The following SPOCD1 variants were observed in gnomAD, a reference collection of about 807,000 sequenced individuals.
SPOCD1 encodes SPOC domain-containing protein 1.
SPOCD1 carries 64 observed loss-of-function variants against 92.2 expected under a neutral mutation model. That is an observed-to-expected ratio of 0.69 (90% confidence interval 0.57 to 0.86). SPOCD1 has a LOEUF of 0.86. Among genes scored for constraint, SPOCD1 ranks in the 40% least tolerant of loss-of-function variants. The pLI, the probability that SPOCD1 is intolerant of heterozygous loss-of-function variation, is 0.00. For synonymous variants in SPOCD1, 578 were observed against 619.3 expected, an observed-to-expected ratio of 0.93 and a Z score of 0.99; for missense variants, 1,360 against 1,543.1, an observed-to-expected ratio of 0.88 and a Z score of 1.99.
intron 2 of SPOCD1, among the ~76,000 whole-genome samples, chr1:31,812,271 T>C (rs74480395): frequency 0.01 from 1,560 of 152,266 alleles, 22 homozygotes; most frequent in African/African-American, 0.036. Context: ...AATGTTAGCC[T>C]ATTGGCCTCC....
intron 2 of SPOCD1, among the ~76,000 whole-genome samples, chr1:31,810,574 C>T (rs1649133595): frequency 2.6e-5 from 4 of 152,094 alleles, no homozygotes; most frequent in Admixed American, 2.6e-4. Flanking sequence ...GGCTGGTCTC[C>T]TGAGCTCAAG....
intron 2 of SPOCD1, among the ~76,000 whole-genome samples, chr1:31,808,344 A>G (rs1487692068): frequency 6.6e-6 from 1 of 151,804 alleles, no homozygotes; most frequent in East Asian, 1.9e-4. Flanking sequence ...ATATTTAAAA[A>G]AAAAAACACT....
intron 15 of SPOCD1, 161 bp from the exon 16 acceptor site, chr1:31,791,452 A>C (rs1647588262): frequency 1.9e-6 from 1 of 527,098 alleles, no homozygotes; most frequent in African/African-American, 2.0e-5. Flanking sequence ...ATCAAGGCTT[A>C]TCTGGCTGAG....
intron 2 of SPOCD1, among the ~76,000 whole-genome samples, chr1:31,805,351 G>C (rs1648751971): frequency 6.6e-6 from 1 of 152,070 alleles, no homozygotes; most frequent in Non-Finnish European, 1.5e-5. Context: ...TAAACTACTA[G>C]AGGGATAAAA....
chr1:31,811,338 GC>G (rs1308706565), intron 2 of SPOCD1, among the ~76,000 whole-genome samples: 1 of 151,960 alleles, frequency 6.6e-6, no homozygotes, highest in African/African-American at 2.4e-5. Flanking sequence ...GGGCATGGTG[GC>G]CCACACCTGT....
chr1:31,814,766 G>C lies in SPOCD1; in HGVS notation c.568C>G (p.Pro190Ala). Residue 190 changes from proline to alanine, a missense_variant, in exon 2 of 16, where the codon CCT (proline) becomes GCT (alanine). Pro to Ala is a conservative substitution (Grantham distance 27, BLOSUM62 -1). Coordinates refer to ENST00000360482, the MANE Select transcript of SPOCD1 (RefSeq NM_144569.7). This position sits in a 1 kb window ranked among gnomAD's most constrained non-coding sequence, Gnocchi z 4.2. ...RSPTLSKEEP[P>A]GRPLTSSPDP... ...GGTGAGGATGTCAGGGGCCTTCCAG[G>C]GGGCTCCTCTTTGCTGAGTGTGGGG... is the stretch of plus-strand genomic sequence containing the variant. 6.2e-7 allele frequency: 1 copy of C among 1,613,596 alleles called. No homozygotes were observed. Among genetic ancestry groups the C allele is most frequent in the African/African-American group, 1.3e-5 (1 of 75,000 alleles).
chr1:31,791,813 G>C (rs557842806), intron 15 of SPOCD1, among the ~76,000 whole-genome samples: 31 of 152,334 alleles, frequency 2.0e-4, no homozygotes, highest in Non-Finnish European at 4.0e-4. Context: ...TGGTGGTTAG[G>C]GGCCAGGTTT....
intron 2 of SPOCD1, among the ~76,000 whole-genome samples, chr1:31,806,000 C>CA (rs1229402213): frequency 2.0e-5 from 3 of 151,260 alleles, no homozygotes; most frequent in African/African-American, 7.3e-5. Context: ...GATTTTAAGG[C>CA]AAAAAATCAT....
chr1:31,796,380 C>A (rs1012300753), intron 10 of SPOCD1: 2 of 728,318 alleles, frequency 2.7e-6, no homozygotes, highest in Non-Finnish European at 4.6e-6. Flanking sequence ...GGAGGACCGA[C>A]AGTGACAAGG....
In SPOCD1 at chr1:31,814,798, C is replaced by G; in HGVS notation, c.536G>C (p.Arg179Thr). ...DGGMSSPGCD[R>T]RSPTLSKEEP... Reference sequence around the variant, plus strand: ...CTCTTTGCTGAGTGTGGGGCTTCTTCTGTCACACCCTGGAGAACTCATTCC... The same window carrying G: ...CTCTTTGCTGAGTGTGGGGCTTCTTGTGTCACACCCTGGAGAACTCATTCC... Residue 179 changes from arginine to threonine, a missense_variant, in exon 2 of 16, where the codon AGA becomes ACA. Arg to Thr is a moderately conservative substitution (Grantham distance 71, BLOSUM62 -1). This residue lies in a region of SPOCD1 where 606 missense variants were observed against 601.5 expected (regional missense o/e 1.01). Transcript: ENST00000360482. This position sits in a 1 kb window ranked among gnomAD's most constrained non-coding sequence, Gnocchi z 4.2. 3 of 1,613,110 alleles carry G rather than the reference C, an allele frequency of 1.9e-6. No individual in the cohort carries two copies. The highest frequency in any genetic ancestry group is 2.5e-6 in the Non-Finnish European group (3 of 1,179,592).
At chr1:31,809,615 G>C (rs1649067592) in intron 2 of SPOCD1, among the ~76,000 whole-genome samples, 1 of 152,012 alleles carries the variant, frequency 6.6e-6, no homozygotes, top group African/African-American at 2.4e-5. Context: ...GGGATACTTG[G>C]TGCCAACACT....
intron 10 of SPOCD1, chr1:31,796,290 C>T (rs1648013604): frequency 2.1e-6 from 1 of 468,186 alleles, no homozygotes; most frequent in Non-Finnish European, 4.0e-6. Context: ...GAGATCTGGG[C>T]AGAATGCCAG....
intron 2 of SPOCD1, among the ~76,000 whole-genome samples, chr1:31,803,093 G>C (rs10914480): frequency 0.63 from 95,851 of 151,778 alleles, 30,599 homozygotes; most frequent in South Asian, 0.72. Context: ...CGTCTCAGGG[G>C]TCCTAACGTC....
intron 2 of SPOCD1, among the ~76,000 whole-genome samples, chr1:31,811,467 A>G (rs72664938): frequency 0.11 from 17,073 of 152,006 alleles, 981 homozygotes; most frequent in East Asian, 0.14. Flanking sequence ...TTAAAAAAAA[A>G]GTAAATTAAA....
In SPOCD1 at chr1:31,815,239, G is replaced by A; in HGVS notation, c.95C>T (p.Ala32Val). ...NCELLQNMEG[A>V]SSMPGLSPDG... ...TGGTGACAGGCCTGGCATGGAGCTG[G>A]CTCCTTCCATGTTCTGTAAAAGCTC... is the stretch of plus-strand genomic sequence containing the variant. The change falls in exon 2 of 16, where the codon GCC becomes GTC. Residue 32 changes from alanine (A) to valine (V), a missense_variant. Physicochemically the swap from Ala to Val is moderately conservative, Grantham distance 64 (BLOSUM62 0). This residue lies in a region of SPOCD1 where 140 missense variants were observed against 183.8 expected (regional missense o/e 0.76). Coordinates refer to ENST00000360482, the MANE Select transcript of SPOCD1 (RefSeq NM_144569.7). The A allele has an allele frequency of 3.1e-6, 5 of 1,605,928 alleles. No homozygotes were observed. Among genetic ancestry groups the A allele is most frequent in the Non-Finnish European group, 3.4e-6 (4 of 1,173,840 alleles).
At position 31,804,985 on chromosome 1, in the gene SPOCD1, CT is replaced by C. The variant is rs1207433481; in HGVS notation, c.1384-3281del. Among the ~76,000 whole-genome samples the C allele has an allele frequency of 9.8e-3, 1,039 of 105,888 alleles. 26 individuals are homozygous for C. The highest frequency in any genetic ancestry group is 0.023 in the Middle Eastern group (4 of 176). 69.5% of individuals were successfully genotyped at this position (105,888 alleles called of 152,430 possible). A position where few individuals can be genotyped will look rare whatever the true frequency, so the allele number is the denominator to read the frequency against. On this transcript the variant is annotated intron_variant, in intron 2 of 15. Coordinates refer to ENST00000360482, the MANE Select transcript of SPOCD1 (RefSeq NM_144569.7). ...AAATTTCTTTTTTCTTTCTTTCTTT[CT>C]TTTTTTTTTTTTTGAGATGGAGTCT...
intron 5 of SPOCD1, 47 bp downstream of exon 5, chr1:31,799,969 C>T: frequency 1.2e-6 from 2 of 1,611,446 alleles, no homozygotes; most frequent in South Asian, 2.2e-5. Flanking sequence ...TCCTCCCTGA[C>T]CCATGCTCCA....
intron 2 of SPOCD1, among the ~76,000 whole-genome samples, chr1:31,804,213 C>T (rs1260186645): frequency 1.3e-5 from 2 of 152,184 alleles, no homozygotes; most frequent in East Asian, 3.8e-4. Flanking sequence ...TCACCATAAT[C>T]TTATGAGGTA....
intron 15 of SPOCD1, 107 bp downstream of exon 15, chr1:31,792,108 T>C: frequency 7.8e-7 from 1 of 1,282,338 alleles, no homozygotes; most frequent in Non-Finnish European, 1.1e-6. Flanking sequence ...GGGTGAGGAG[T>C]TCCCTTCTGA....
Sources: gnomAD v4.1 joint callset for allele counts (sites outside exome capture counted in the v4.1 genomes callset) on GRCh38, gnomAD v4.1.1 for gene constraint, gnomAD v4.1.1 regional missense constraint, Gnocchi (gnomAD v3.1) non-coding constraint, MANE v1.5 for transcripts, NCBI Gene and HGNC (gene_info 2026-07-23, HGNC 2026-07-21) for gene names.